The following ABCD3 variants were observed in gnomAD, a reference collection of about 807,000 sequenced individuals.
ABCD3 encodes the protein ATP-binding cassette sub-family D member 3.
In ABCD3, 41 loss-of-function variants were observed where a neutral mutation model predicts 105.5. The observed-to-expected ratio is 0.39, with a 90% CI of 0.30 to 0.50. The LOEUF (loss-of-function observed/expected upper bound fraction) is 0.50. Among genes scored for constraint, ABCD3 ranks in the 20% least tolerant of loss-of-function variants. ABCD3 has a pLI of 0.84. For missense variants in ABCD3, 622 were observed against 806.3 expected, an observed-to-expected ratio of 0.77 and a Z score of 2.77; for synonymous variants, 258 against 269.0, an observed-to-expected ratio of 0.96 and a Z score of 0.40.
In ABCD3 at chr1:94,418,401, C is replaced by A. The variant is rs1557654944; in HGVS notation, c.-78C>A. 3.1e-6 allele frequency: 4 copies of A among 1,275,798 alleles called. No individual in the cohort carries two copies. Among genetic ancestry groups the A allele is most frequent in the Non-Finnish European group, 3.3e-6 (3 of 912,078 alleles). 79.0% of individuals were successfully genotyped at this position (1,275,798 alleles called of 1,614,324 possible). A position where few individuals can be genotyped will look rare whatever the true frequency, so the allele number is the denominator to read the frequency against. ...CCTCTGCTCTCCTCCCAGTCTCCCCCGCGCTGCGTGCAGTAAGGTAGCCGC... is the reference window on the plus strand; with the variant it reads ...CCTCTGCTCTCCTCCCAGTCTCCCCAGCGCTGCGTGCAGTAAGGTAGCCGC... On this transcript the variant is annotated 5_prime_UTR_variant, in exon 1 of 23. Coordinates refer to ENST00000370214, the MANE Select transcript of ABCD3 (RefSeq NM_002858.4).
the ABCD3 span, among the ~76,000 whole-genome samples, chr1:94,403,804 T>A: frequency 2.0e-5 from 3 of 152,138 alleles, no homozygotes; most frequent in African/African-American, 7.2e-5. Context: ...TGACTAAATA[T>A]TCATCTTATA....
At chr1:94,426,339 G>A (rs111325997) in intron 1 of ABCD3, among the ~76,000 whole-genome samples, 33 of 152,022 alleles carry the variant, frequency 2.2e-4, no homozygotes, top group African/African-American at 7.5e-4. Context: ...AATGGAATTC[G>A]GCATTCAAAG....
At chr1:94,388,688 A>G in the ABCD3 span, among the ~76,000 whole-genome samples, 715 of 152,272 alleles carry the variant, frequency 4.7e-3, 3 homozygotes, top group Middle Eastern at 0.014. Flanking sequence ...TCCCCCAAAC[A>G]AGTGGAGTAA....
At chr1:94,421,060 A>T (rs1240397732) in intron 1 of ABCD3, among the ~76,000 whole-genome samples, 1 of 152,012 alleles carries the variant, frequency 6.6e-6, no homozygotes, top group Non-Finnish European at 1.5e-5. Context: ...GTTAAATCTC[A>T]TATATATGTG....
intron 1 of ABCD3, among the ~76,000 whole-genome samples, chr1:94,451,216 A>G (rs1351176294): frequency 6.6e-6 from 1 of 152,140 alleles, no homozygotes; most frequent in Admixed American, 6.6e-5. Context: ...GTTTTATAGG[A>G]TGACTCTGGA....
At chr1:94,425,652 G>A (rs968334451) in intron 1 of ABCD3, among the ~76,000 whole-genome samples, 4 of 152,272 alleles carry the variant, frequency 2.6e-5, no homozygotes, top group Admixed American at 2.0e-4. Context: ...CATGAGTTGT[G>A]CCAATTTGCA....
chr1:94,419,302 G>A, intron 1 of ABCD3: 4 of 985,404 alleles, frequency 4.1e-6, no homozygotes, highest in Non-Finnish European at 4.8e-6. Flanking sequence ...CTCTGTAGGT[G>A]AAAGATGAGA....
chr1:94,495,029 G>A (rs753757996), intron 16 of ABCD3, among the ~76,000 whole-genome samples: 5 of 152,020 alleles, frequency 3.3e-5, no homozygotes, highest in East Asian at 3.9e-4. Context: ...TGCAGTGAGC[G>A]GAGATCGCAC....
chr1:94,512,172 T>G (rs560795412), intron 21 of ABCD3, among the ~76,000 whole-genome samples: 1 of 152,222 alleles, frequency 6.6e-6, no homozygotes, highest in Non-Finnish European at 1.5e-5. Context: ...GGGTTTTTGG[T>G]GTGGATGTCC....
intron 22 of ABCD3, among the ~76,000 whole-genome samples, chr1:94,516,244 A>G (rs1291232793): frequency 6.6e-6 from 1 of 151,980 alleles, no homozygotes; most frequent in African/African-American, 2.4e-5. Context: ...CCTATCTCTT[A>G]GATTACCATG....
intron 20 of ABCD3, among the ~76,000 whole-genome samples, chr1:94,500,097 G>A (rs1046979358): frequency 7.2e-5 from 11 of 151,934 alleles, no homozygotes; most frequent in African/African-American, 2.4e-4. Flanking sequence ...TTGTTTCAAG[G>A]TTCAGTATCT....
At chr1:94,428,775 A>G (rs757448367) in intron 1 of ABCD3, among the ~76,000 whole-genome samples, 3 of 151,390 alleles carry the variant, frequency 2.0e-5, no homozygotes, top group Non-Finnish European at 4.4e-5. Context: ...TTTTTTTTGT[A>G]AAGTGCCCAG....
At chr1:94,453,357 C>T (rs375454202) in intron 1 of ABCD3, among the ~76,000 whole-genome samples, 73 of 145,910 alleles carry the variant, frequency 5.0e-4, no homozygotes, top group African/African-American at 9.4e-4. Flanking sequence ...GTCTCGCTGT[C>T]GCCCAGGTTG....
At chr1:94,394,343 A>T in the ABCD3 span, among the ~76,000 whole-genome samples, 5 of 152,176 alleles carry the variant, frequency 3.3e-5, no homozygotes, top group Non-Finnish European at 7.4e-5. Flanking sequence ...GTAATAAAAC[A>T]ATGGTGGTGT....
chr1:94,405,332 C>T, the ABCD3 span, among the ~76,000 whole-genome samples: 65 of 136,224 alleles, frequency 4.8e-4, no homozygotes, highest in South Asian at 9.3e-4. Flanking sequence ...TTTTTTGAGA[C>T]GGAGTTTCAC....
chr1:94,506,780 T>C (rs1650375136), intron 21 of ABCD3, 138 bp downstream of exon 21: 3 of 626,348 alleles, frequency 4.8e-6, no homozygotes, highest in Non-Finnish European at 8.5e-6. Flanking sequence ...TTAATAAAGA[T>C]TTAAAACATA....
chr1:94,420,167 C>G (rs1659204269), intron 1 of ABCD3, among the ~76,000 whole-genome samples: 1 of 152,034 alleles, frequency 6.6e-6, no homozygotes, highest in African/African-American at 2.4e-5. Context: ...ACACATAGAG[C>G]TTGAAGAATT....
At chr1:94,404,252 T>G in the ABCD3 span, among the ~76,000 whole-genome samples, 2 of 152,178 alleles carry the variant, frequency 1.3e-5, no homozygotes, top group African/African-American at 4.8e-5. Flanking sequence ...TTAAACAGTT[T>G]AAGAATTACT....
the ABCD3 span, among the ~76,000 whole-genome samples, chr1:94,391,024 G>A: frequency 6.6e-6 from 1 of 152,114 alleles, no homozygotes; most frequent in Admixed American, 6.5e-5. Context: ...TCTTTTTGCA[G>A]GTTCACAGTT....
Sources: gnomAD v4.1 joint callset for allele counts (sites outside exome capture counted in the v4.1 genomes callset) on GRCh38, gnomAD v4.1.1 for gene constraint, MANE v1.5 for transcripts, NCBI Gene and HGNC (gene_info 2026-07-23, HGNC 2026-07-21) for gene names.